SPMIP10: variants seen among roughly 807,000 people sequenced by gnomAD.
The protein encoded by SPMIP10 is sperm microtubule inner protein 10, also known as sperm-associated microtubule inner protein 10.
the SPMIP10 span, among the ~76,000 whole-genome samples, chr5:126,634,749 GAATT>G: frequency 2.0e-5 from 3 of 152,142 alleles, no homozygotes; most frequent in Non-Finnish European, 4.4e-5. Flanking sequence ...TTAAATAAGT[GAATT>G]AAGTAAAGTG....
chr5:126,632,399 C>CTT, the SPMIP10 span: 1 of 521,364 alleles, frequency 1.9e-6, no homozygotes, highest in African/African-American at 2.0e-5. Context: ...AAATGGTTAT[C>CTT]TTTTAGCTGA....
At chr5:126,633,679 G>C in the SPMIP10 span, among the ~76,000 whole-genome samples, 2 of 151,978 alleles carry the variant, frequency 1.3e-5, no homozygotes, top group South Asian at 4.1e-4. Context: ...TATTTATTTA[G>C]AGACAGGATC....
At chr5:126,631,959 A>G in the SPMIP10 span, 3 of 612,716 alleles carry the variant, frequency 4.9e-6, no homozygotes, top group Non-Finnish European at 8.8e-6. Flanking sequence ...ATATGTGTGC[A>G]GGGAAAGCAA....
At chr5:126,631,843 G>T in the SPMIP10 span, 3 of 1,533,874 alleles carry the variant, frequency 2.0e-6, no homozygotes, top group Admixed American at 3.5e-5. Context: ...GGGATTCTGG[G>T]GTTTTTTGTT....
At chr5:126,634,925 C>G in the SPMIP10 span, among the ~76,000 whole-genome samples, 1 of 151,888 alleles carries the variant, frequency 6.6e-6, no homozygotes, top group African/African-American at 2.4e-5. Context: ...CTAATCTTAG[C>G]ACGTTGGGAG....
the SPMIP10 span, chr5:126,635,939 G>A: frequency 9.3e-7 from 1 of 1,080,120 alleles, no homozygotes; most frequent in Non-Finnish European, 1.4e-6. Flanking sequence ...TGGGATTACA[G>A]GCATGAGCCA....
At chr5:126,632,461 T>C in the SPMIP10 span, 3 of 776,734 alleles carry the variant, frequency 3.9e-6, no homozygotes, top group South Asian at 1.5e-5. Context: ...CAAACATGAA[T>C]GCACAACTGC....
the SPMIP10 span, among the ~76,000 whole-genome samples, chr5:126,633,056 G>A: frequency 5.3e-5 from 7 of 131,588 alleles, no homozygotes; most frequent in Admixed American, 4.3e-4. Context: ...TGTGATAGAC[G>A]TGTGTAACTA....
the SPMIP10 span, among the ~76,000 whole-genome samples, chr5:126,635,776 T>C: frequency 6.6e-6 from 1 of 152,018 alleles, no homozygotes; most frequent in Non-Finnish European, 1.5e-5. Context: ...TTTCCCAGGA[T>C]CAAGGGATTC....
At chr5:126,632,052 G>C in the SPMIP10 span, among the ~76,000 whole-genome samples, 3 of 151,762 alleles carry the variant, frequency 2.0e-5, no homozygotes, top group Non-Finnish European at 2.9e-5. Context: ...ATTTCCTTTA[G>C]GCAGTCGGTA....
chr5:126,636,024 T>C, the SPMIP10 span: 2 of 1,607,674 alleles, frequency 1.2e-6, no homozygotes. Flanking sequence ...GATTTTCTTT[T>C]CTCTTAGCAA....
At chr5:126,632,865 T>C in the SPMIP10 span, among the ~76,000 whole-genome samples, 2 of 151,658 alleles carry the variant, frequency 1.3e-5, no homozygotes, top group African/African-American at 4.9e-5. Flanking sequence ...CGGGCAGTTG[T>C]AATCCCAGCT....
the SPMIP10 span, among the ~76,000 whole-genome samples, chr5:126,633,919 A>C: frequency 1.1e-3 from 163 of 152,142 alleles, no homozygotes; most frequent in African/African-American, 3.7e-3. Flanking sequence ...TCAGCCTCCC[A>C]AAGTGCTAGG....
the SPMIP10 span, chr5:126,635,921 C>A: frequency 1.5e-5 from 14 of 918,392 alleles, no homozygotes; most frequent in Non-Finnish European, 2.2e-5. Context: ...CTTGGCCTCC[C>A]AAATTGCTGG....
chr5:126,631,807 AAATCTGCT>A, the SPMIP10 span: 1 of 1,605,874 alleles, frequency 6.2e-7, no homozygotes, highest in East Asian at 2.2e-5. Flanking sequence ...GAGTCTCTAT[AAATCTGCT>A]AATAAGTAAG....
chr5:126,631,949 A>T, the SPMIP10 span: 3 of 629,552 alleles, frequency 4.8e-6, no homozygotes, highest in East Asian at 8.4e-5. Flanking sequence ...CCAGAGGGAA[A>T]TATGTGTGCA....
At chr5:126,631,721 C>T in the SPMIP10 span, 1 of 1,558,008 alleles carries the variant, frequency 6.4e-7, no homozygotes, top group Non-Finnish European at 8.9e-7. Context: ...GTATTCCATC[C>T]ATTGCTGTCA....
chr5:126,632,859 C>T, the SPMIP10 span, among the ~76,000 whole-genome samples: 1 of 151,686 alleles, frequency 6.6e-6, no homozygotes, highest in Admixed American at 6.6e-5. Context: ...TGGTGGCGGG[C>T]AGTTGTAATC....
chr5:126,635,971 T>G, the SPMIP10 span: 1 of 1,424,312 alleles, frequency 7.0e-7, no homozygotes. Context: ...GAAACTTCCT[T>G]CTTAATCTAA....
Sources: allele counts gnomAD v4.1 joint callset (sites outside exome capture counted in the v4.1 genomes callset), GRCh38; gene constraint gnomAD v4.1.1; transcripts MANE v1.5; gene names NCBI Gene and HGNC (gene_info 2026-07-23, HGNC 2026-07-21).